Variants in CPPED1 observed in about 807,000 individuals in gnomAD.
CPPED1 encodes serine/threonine-protein phosphatase CPPED1.
A neutral mutation model predicts 28.0 loss-of-function variants in CPPED1; 28 were observed. The observed-to-expected ratio is 1.00, with a 90% CI of 0.74 to 1.37. The LOEUF (loss-of-function observed/expected upper bound fraction) is 1.37. Ranked by LOEUF, CPPED1 falls within the 40% of genes most tolerant of loss-of-function variation. The pLI is 0.00. For synonymous variants in CPPED1, 198 were observed against 180.2 expected, an observed-to-expected ratio of 1.10 and a Z score of -0.79; for missense variants, 504 against 416.5, an observed-to-expected ratio of 1.21 and a Z score of -1.83.
chr16:12,769,471 C>T (rs1473106301), intron 2 of CPPED1, among the ~76,000 whole-genome samples: 1 of 152,114 alleles, frequency 6.6e-6, no homozygotes, highest in Non-Finnish European at 1.5e-5. Flanking sequence ...TCTCCTCTGC[C>T]GGACTGCCAC....
intron 2 of CPPED1, among the ~76,000 whole-genome samples, chr16:12,713,056 G>A (rs1244509247): frequency 6.6e-6 from 1 of 151,872 alleles, no homozygotes; most frequent in Non-Finnish European, 1.5e-5. Flanking sequence ...CAGAAAGAGA[G>A]AAAATGGGGA....
chr16:12,746,460 G>A (rs961219670), intron 2 of CPPED1, among the ~76,000 whole-genome samples: 4 of 147,198 alleles, frequency 2.7e-5, no homozygotes, highest in African/African-American at 9.9e-5. Flanking sequence ...CAGACATCCT[G>A]AAAAAGTACA....
At chr16:12,773,835 C>A (rs1165813817) in intron 2 of CPPED1, among the ~76,000 whole-genome samples, 1 of 152,224 alleles carries the variant, frequency 6.6e-6, no homozygotes, top group Non-Finnish European at 1.5e-5. Context: ...ATTCCTGACT[C>A]TCAATTTACA....
At chr16:12,762,802 G>A (rs1028482703) in intron 2 of CPPED1, among the ~76,000 whole-genome samples, 3 of 151,982 alleles carry the variant, frequency 2.0e-5, no homozygotes, top group African/African-American at 7.3e-5. Context: ...GGAGTGCAGT[G>A]GCACAATATC....
intron 2 of CPPED1, among the ~76,000 whole-genome samples, chr16:12,722,464 G>A (rs541107912): frequency 3.3e-5 from 5 of 152,168 alleles, no homozygotes; most frequent in South Asian, 4.1e-4. Flanking sequence ...CCAGCTGGGC[G>A]CGGTGGCTCA....
chr16:12,795,204 G>A (rs1157951001), intron 1 of CPPED1, among the ~76,000 whole-genome samples: 1 of 152,248 alleles, frequency 6.6e-6, no homozygotes, highest in Non-Finnish European at 1.5e-5. Flanking sequence ...CAGGCTAACA[G>A]AAGCCCCAGA....
intron 1 of CPPED1, among the ~76,000 whole-genome samples, chr16:12,790,622 A>T (rs1310547739): frequency 6.6e-6 from 1 of 152,172 alleles, no homozygotes; most frequent in East Asian, 1.9e-4. Context: ...CTTGATTTTC[A>T]TAAGAAAAGT....
chr16:12,777,096 A>G (rs968232041), intron 2 of CPPED1, among the ~76,000 whole-genome samples: 3 of 152,222 alleles, frequency 2.0e-5, no homozygotes, highest in Non-Finnish European at 4.4e-5. Context: ...CCTTTACAGA[A>G]CAGAGGACTT....
At chr16:12,730,478 A>G (rs112001545) in intron 2 of CPPED1, among the ~76,000 whole-genome samples, 162 of 152,318 alleles carry the variant, frequency 1.1e-3, no homozygotes, top group African/African-American at 3.7e-3. Flanking sequence ...GTCTATTAAA[A>G]GATAGGAACC....
At chr16:12,760,551 G>A (rs2080403038) in intron 2 of CPPED1, 1 of 152,044 alleles carries the variant, frequency 6.6e-6, no homozygotes, top group Non-Finnish European at 1.5e-5. Context: ...GTACTGATAT[G>A]GTCATATGCT....
At chr16:12,751,727 G>A (rs1263126139) in intron 2 of CPPED1, among the ~76,000 whole-genome samples, 1 of 152,204 alleles carries the variant, frequency 6.6e-6, no homozygotes, top group African/African-American at 2.4e-5. Flanking sequence ...CTGGCACACA[G>A]GAGGCTTAAA....
In CPPED1 at chr16:12,715,796, G is replaced by A. The variant is rs188770223; in HGVS notation, c.290-10747C>T. Reference sequence around the variant, plus strand: ...TCCAGCTTCACCGTCCCAAAGTGCCGGGATTACAGGCATGAGCCACCACTC... The same window carrying A: ...TCCAGCTTCACCGTCCCAAAGTGCCAGGATTACAGGCATGAGCCACCACTC... On this transcript the variant is annotated intron_variant, in intron 2 of 3. Coordinates refer to ENST00000381774, the MANE Select transcript of CPPED1 (RefSeq NM_018340.3). Among the ~76,000 whole-genome samples the A allele has an allele frequency of 4.3e-3, 658 of 152,286 alleles. 14 individuals carry two copies. The highest frequency in any genetic ancestry group is 0.037 in the Admixed American group (571 of 15,292).
At chr16:12,796,815 C>A (rs532953119) in intron 1 of CPPED1, among the ~76,000 whole-genome samples, 1 of 152,104 alleles carries the variant, frequency 6.6e-6, no homozygotes, top group South Asian at 2.1e-4. Context: ...CAAGAGGTAC[C>A]CAGATGCGTG....
At position 12,781,355 on chromosome 16, in the gene CPPED1, T is replaced by C. The variant is rs373564895; in HGVS notation, c.119A>G (p.Asp40Gly). The change falls in exon 2 of 4, where the codon GAC becomes GGC. Residue 40 changes from aspartate (D) to glycine (G), a missense_variant. By Grantham distance (94) the Asp-to-Gly change is moderately conservative (BLOSUM62 -1). Transcript: ENST00000381774. Reference protein sequence around the residue: ...KGPFYFILGADPQFGLIKAWS... With the variant: ...KGPFYFILGAGPQFGLIKAWS... ...GGCCTTGATCAGCCCAAACTGTGGG[T>C]CTGCGCCCAGGATGAAGTAGAATGG... 56 of 1,614,024 alleles carry C rather than the reference T, an allele frequency of 3.5e-5. No individual in the cohort carries two copies. In the South Asian group the frequency reaches 6.0e-4, roughly 17 times the overall value.
chr16:12,661,005 T>C lies in CPPED1; in HGVS notation c.*3881A>G, dbSNP rs980438401. On this transcript the variant is annotated 3_prime_UTR_variant, in exon 4 of 4. Transcript: ENST00000381774. ...GACACGAGCCTATAGTCCCAGCTAA[T>C]TTGGGAGGCTGAGGTGGGAAGGTTG... is the stretch of plus-strand genomic sequence containing the variant. 1.3e-5 allele frequency: 2 copies of C among 152,160 alleles called. No homozygotes were observed. The highest frequency in any genetic ancestry group is 2.9e-5 in the Non-Finnish European group (2 of 68,052). The allele number at this position is 152,160 out of a possible 1,614,324, so 9.4% of individuals were successfully genotyped here.
chr16:12,787,276 C>T (rs563476709), intron 1 of CPPED1, among the ~76,000 whole-genome samples: 7 of 152,272 alleles, frequency 4.6e-5, no homozygotes, highest in African/African-American at 1.7e-4. Flanking sequence ...ACTTTGGAAA[C>T]AACTCATACA....
At chr16:12,698,461 T>C (rs2080003664) in intron 3 of CPPED1, among the ~76,000 whole-genome samples, 1 of 152,222 alleles carries the variant, frequency 6.6e-6, no homozygotes, top group Non-Finnish European at 1.5e-5. Context: ...AGACACAGTC[T>C]TGCTCTGTTG....
At chr16:12,776,948 C>T (rs2141236151) in intron 2 of CPPED1, among the ~76,000 whole-genome samples, 1 of 152,246 alleles carries the variant, frequency 6.6e-6, no homozygotes, top group East Asian at 1.9e-4. Context: ...TCGCCATCTG[C>T]CATGATTGTG....
At chr16:12,718,691 G>A (rs113825564) in intron 2 of CPPED1, among the ~76,000 whole-genome samples, 2,134 of 152,042 alleles carry the variant, frequency 0.014, 24 homozygotes, top group Middle Eastern at 0.034. Flanking sequence ...AGCTGGGAGC[G>A]GTGGCTCACG....
Sources: gnomAD v4.1 joint callset for allele counts (sites outside exome capture counted in the v4.1 genomes callset) on GRCh38, gnomAD v4.1.1 for gene constraint, MANE v1.5 for transcripts, NCBI Gene and HGNC (gene_info 2026-07-23, HGNC 2026-07-21) for gene names.